The following EYA1 variants were observed in gnomAD, a reference collection of about 807,000 sequenced individuals.
The protein encoded by EYA1 is EYA transcriptional coactivator and phosphatase 1.
Under a neutral mutation model 82.0 loss-of-function variants are expected in EYA1, and 16 were observed. The ratio of observed to expected loss-of-function variants is 0.20; its 90% CI spans 0.13 to 0.30. The LOEUF (loss-of-function observed/expected upper bound fraction) is 0.30. Ranked by LOEUF, EYA1 falls within the 10% of genes least tolerant of loss-of-function variation. The probability of loss-of-function intolerance (pLI) is 1.00; values close to 1 mark genes in which losing one functional copy is unlikely to be tolerated. For synonymous variants in EYA1, 261 were observed against 264.4 expected (o/e 0.99, Z 0.12); for missense variants, 633 against 730.7 (o/e 0.87, Z 1.54).
At chr8:71,547,421 G>C (rs906116717) in intron 1 of EYA1, 87 of 152,364 alleles carry the variant, frequency 5.7e-4, no homozygotes, top group African/African-American at 2.0e-3. Flanking sequence ...CCGACGCCAC[G>C]GGCCTTGGGC....
At chr8:71,526,176 T>C (rs1338216849) in intron 2 of EYA1, among the ~76,000 whole-genome samples, 3 of 151,468 alleles carry the variant, frequency 2.0e-5, no homozygotes, top group East Asian at 3.9e-4. Context: ...TACCCAGTGA[T>C]AGATTCTGCA....
At chr8:71,463,781 G>A (rs762819583) in intron 2 of EYA1, among the ~76,000 whole-genome samples, 5 of 152,054 alleles carry the variant, frequency 3.3e-5, no homozygotes, top group South Asian at 2.1e-4. Context: ...TCACAGAACC[G>A]TTTCAAACAT....
At chr8:71,290,992 C>G (rs1476258307) in intron 9 of EYA1, among the ~76,000 whole-genome samples, 1 of 152,166 alleles carries the variant, frequency 6.6e-6, no homozygotes, top group Admixed American at 6.5e-5. Context: ...TATTTTTGAG[C>G]TGAACAAATT....
At chr8:71,199,453 G>A (rs1424657673) in intron 17 of EYA1, 33 bp from the exon 18 acceptor site, 3 of 1,538,484 alleles carry the variant, frequency 1.9e-6, no homozygotes, top group African/African-American at 2.7e-5. Flanking sequence ...TGTGAGGACA[G>A]AGCACCCAGC....
intron 2 of EYA1, among the ~76,000 whole-genome samples, chr8:71,466,180 G>A (rs898278370): frequency 7.2e-5 from 11 of 152,102 alleles, no homozygotes; most frequent in African/African-American, 2.7e-4. Context: ...TCAGAAATAT[G>A]ACTAAATATA....
intron 2 of EYA1, among the ~76,000 whole-genome samples, chr8:71,485,247 T>A (rs2129217254): frequency 6.6e-6 from 1 of 152,366 alleles, no homozygotes; most frequent in South Asian, 2.1e-4. Context: ...TGTATTTTTT[T>A]AAACAATCAA....
chr8:71,362,885 C>G, upstream of EYA1, among the ~76,000 whole-genome samples: 1 of 152,168 alleles, frequency 6.6e-6, no homozygotes, highest in Non-Finnish European at 1.5e-5. Context: ...TATACAGATA[C>G]ATGACTTTGG....
intron 2 of EYA1, among the ~76,000 whole-genome samples, chr8:71,368,055 C>T (rs1481649703): frequency 6.6e-6 from 1 of 152,050 alleles, no homozygotes; most frequent in Non-Finnish European, 1.5e-5. Context: ...AAGATATAAA[C>T]CTGAAAAGTA....
chr8:71,309,631 A>C (rs1052655567), intron 7 of EYA1, among the ~76,000 whole-genome samples: 1 of 152,266 alleles, frequency 6.6e-6, no homozygotes, highest in Non-Finnish European at 1.5e-5. Flanking sequence ...GCATAACAGC[A>C]TATTTAGTTA....
At chr8:71,413,284 T>A (rs1481083865) in intron 2 of EYA1, among the ~76,000 whole-genome samples, 1 of 152,202 alleles carries the variant, frequency 6.6e-6, no homozygotes, top group African/African-American at 2.4e-5. Context: ...GCAGCCTGCC[T>A]CCCTAACAGA....
chr8:71,435,104 C>T (rs1021883259), intron 2 of EYA1, among the ~76,000 whole-genome samples: 1 of 152,132 alleles, frequency 6.6e-6, no homozygotes, highest in Non-Finnish European at 1.5e-5. Context: ...TTCTATCTAT[C>T]CAACTCCTAT....
intron 2 of EYA1, among the ~76,000 whole-genome samples, chr8:71,463,575 T>TTCTCTCTCTC (rs776367934): frequency 4.9e-5 from 2 of 41,144 alleles, no homozygotes; most frequent in Non-Finnish European, 4.2e-5. Context: ...AATACATGCT[T>TTCTCTCTCTC]TCTCTCTCTC....
chr8:71,245,117 T>G (rs1252059133), intron 11 of EYA1, among the ~76,000 whole-genome samples: 1 of 152,188 alleles, frequency 6.6e-6, no homozygotes. Context: ...ATAGATACAC[T>G]ATAGCAAGCT....
intron 17 of EYA1, among the ~76,000 whole-genome samples, chr8:71,206,659 T>C (rs1807814907): frequency 6.6e-6 from 1 of 151,902 alleles, no homozygotes; most frequent in Admixed American, 6.6e-5. Context: ...GTAAAATAGG[T>C]CTAAGGATTC....
At chr8:71,377,103 A>T (rs1169512788) in intron 2 of EYA1, among the ~76,000 whole-genome samples, 2 of 152,098 alleles carry the variant, frequency 1.3e-5, no homozygotes. Context: ...TACCTCCTCA[A>T]ATTCTGGGTT....
intron 2 of EYA1, among the ~76,000 whole-genome samples, chr8:71,399,364 G>T (rs927044103): frequency 1.4e-4 from 22 of 152,132 alleles, no homozygotes; most frequent in African/African-American, 5.1e-4. Flanking sequence ...CATCACTCAC[G>T]CAGGGAGCTG....
At chr8:71,416,167 A>G (rs1830844274) in intron 2 of EYA1, among the ~76,000 whole-genome samples, 1 of 152,198 alleles carries the variant, frequency 6.6e-6, no homozygotes, top group African/African-American at 2.4e-5. Context: ...AGTGAGCACT[A>G]GGGGCATTTT....
At chr8:71,361,603 G>C (rs1028250740) in intron 1 of EYA1, 44 bp downstream of exon 1, 3 of 927,428 alleles carry the variant, frequency 3.2e-6, no homozygotes, top group Non-Finnish European at 3.9e-6. Flanking sequence ...CAGGACAGCT[G>C]TTGTCAGTCA....
chr8:71,396,458 T>C (rs1296217315), intron 2 of EYA1, among the ~76,000 whole-genome samples: 1 of 152,222 alleles, frequency 6.6e-6, no homozygotes, highest in East Asian at 1.9e-4. Flanking sequence ...TACACACTGC[T>C]TTAAATGTGT....
Sources: gnomAD v4.1 joint callset for allele counts (sites outside exome capture counted in the v4.1 genomes callset) on GRCh38, gnomAD v4.1.1 for gene constraint, MANE v1.5 for transcripts, NCBI Gene and HGNC (gene_info 2026-07-23, HGNC 2026-07-21) for gene names.